The following RIBC2 variants were observed in gnomAD, a reference collection of about 807,000 sequenced individuals.
RIBC2 encodes RIB43A-like with coiled-coils protein 2.
RIBC2 carries 40 observed loss-of-function variants against 44.3 expected under a neutral mutation model. The observed-to-expected ratio is 0.90, with a 90% CI of 0.70 to 1.18. RIBC2 has a LOEUF of 1.18. Among genes scored for constraint, RIBC2 ranks in the 50% most tolerant of loss-of-function variants. The probability of loss-of-function intolerance (pLI) is 0.00; values close to 1 mark genes in which losing one functional copy is unlikely to be tolerated. For missense variants in RIBC2, 459 were observed against 485.5 expected (o/e 0.95, Z 0.51); for synonymous variants, 171 against 175.0 (o/e 0.98, Z 0.18).
Position 45,421,318 on chromosome 22 carries a change from T to TA in RIBC2, c.557-971dup, listed in dbSNP as rs1200986137. On this transcript the variant is annotated intron_variant, in intron 3 of 6. Transcript: ENST00000614167. ...CAAATAATAATAATACTATTATTAT[T>TA]ATTAATACTATTATTAATAATAATA... Among the ~76,000 whole-genome samples the TA allele has an allele frequency of 2.6e-4, 23 of 88,778 alleles. 1 individual carries two copies. The highest frequency in any genetic ancestry group is 5.7e-3 in the Middle Eastern group (1 of 176). 58.2% of individuals were successfully genotyped at this position (88,778 alleles called of 152,430 possible). A position where few individuals can be genotyped will look rare whatever the true frequency, so the allele number is the denominator to read the frequency against.
intron 5 of RIBC2, among the ~76,000 whole-genome samples, chr22:45,427,094 A>G (rs1602120449): frequency 6.6e-6 from 1 of 152,196 alleles, no homozygotes; most frequent in African/African-American, 2.4e-5. Context: ...TGCAAAGTCC[A>G]TTAGATATCT....
chr22:45,421,947 A>G (rs2087489413), intron 3 of RIBC2, among the ~76,000 whole-genome samples: 1 of 152,034 alleles, frequency 6.6e-6, no homozygotes, highest in Admixed American at 6.6e-5. Flanking sequence ...AAACCTCTGC[A>G]CCTGCTCCCA....
chr22:45,426,632 T>G (rs953084213), intron 5 of RIBC2, among the ~76,000 whole-genome samples: 1 of 152,190 alleles, frequency 6.6e-6, no homozygotes, highest in African/African-American at 2.4e-5. Context: ...GGGAGGACTT[T>G]GGCTTCTTCT....
chr22:45,430,131 C>A (rs11705686), intron 5 of RIBC2, among the ~76,000 whole-genome samples: 19,172 of 152,288 alleles, frequency 0.13, 1,398 homozygotes, highest in Middle Eastern at 0.24. Context: ...GTGACAAAGC[C>A]CGCCAGCCTG....
intron 3 of RIBC2, among the ~76,000 whole-genome samples, chr22:45,420,288 A>C (rs1482406979): frequency 1.3e-5 from 2 of 151,996 alleles, no homozygotes; most frequent in African/African-American, 4.8e-5. Flanking sequence ...CTTTCCCCAG[A>C]TATCTGTAGG....
chr22:45,422,577 G>A (rs994802158), intron 4 of RIBC2, 169 bp downstream of exon 4: 4 of 648,550 alleles, frequency 6.2e-6, no homozygotes, highest in Non-Finnish European at 1.1e-5. Context: ...AGAGATGGAT[G>A]AGACCCAGTC....
Position 45,414,430 on chromosome 22 carries a change from T to C in RIBC2, c.211+27T>C, listed in dbSNP as rs1224563511. The C allele has an allele frequency of 5.3e-6, 8 of 1,499,408 alleles. No individual in the cohort carries two copies. In the South Asian group the frequency reaches 8.5e-5, roughly 16 times the overall value. The allele number at this position is 1,499,408 out of a possible 1,614,324, so 92.9% of individuals were successfully genotyped here. A position where few individuals can be genotyped will look rare whatever the true frequency, so the allele number is the denominator to read the frequency against. On this transcript the variant is annotated intron_variant, in intron 2 of 6. Transcript: ENST00000614167. ...TGAGCATTTCCTGAATGCTTATCTA[T>C]TGGTTTAGGATTGTGTGGCTTTAGA... is the stretch of plus-strand genomic sequence containing the variant.
rs371392805 is a variant in RIBC2, at chr22:45,419,173, G to A, written c.556+1227G>A. Among the ~76,000 whole-genome samples the A allele has an allele frequency of 1.3e-4, 20 of 152,260 alleles. 1 individual carries two copies. In the South Asian group the frequency reaches 1.7e-3, roughly 13 times the overall value. On this transcript the variant is annotated intron_variant, in intron 3 of 6. Coordinates refer to ENST00000614167, the MANE Select transcript of RIBC2 (RefSeq NM_015653.5). ...GCCACCTATAGGCCATCATTTCCCAGGTTTATACCTCCAGCCTGGACTCTT... is the reference window on the plus strand; with the variant it reads ...GCCACCTATAGGCCATCATTTCCCAAGTTTATACCTCCAGCCTGGACTCTT...
Position 45,430,102 on chromosome 22 carries a change from A to G in RIBC2, c.904-798A>G, listed in dbSNP as rs542971843. Among the ~76,000 whole-genome samples, 6 of 152,316 alleles carry G rather than the reference A, an allele frequency of 3.9e-5. No individual in the cohort carries two copies. The South Asian group carries it at 8.3e-4, about 21-fold the overall frequency. Reference sequence around the variant, plus strand: ...GGGGGACACTGAGGTTCATGAGAGCAGGGTGACTTGCCTCGTGGGTGACAA... The same window carrying G: ...GGGGGACACTGAGGTTCATGAGAGCGGGGTGACTTGCCTCGTGGGTGACAA... On this transcript the variant is annotated intron_variant, in intron 5 of 6. Transcript: ENST00000614167.
In RIBC2 at chr22:45,413,694, T is replaced by A. The variant is rs1041524177; in HGVS notation, c.-193T>A. 1 of 1,166,698 alleles carries A rather than the reference T, an allele frequency of 8.6e-7. No individual in the cohort carries two copies. Among genetic ancestry groups the A allele is most frequent in the Non-Finnish European group, 1.2e-6 (1 of 818,854 alleles). The allele number at this position is 1,166,698 out of a possible 1,614,324, so 72.3% of individuals were successfully genotyped here. ...CGCGGAGCCGTTCCTTAGCAACGAG[T>A]TGTTGACATTTCCGAGAGAGCGGGA... On this transcript the variant is annotated 5_prime_UTR_variant, in exon 1 of 7. It adds an upstream start codon to the 5' untranslated region. Coordinates refer to ENST00000614167, the MANE Select transcript of RIBC2 (RefSeq NM_015653.5).
Position 45,414,171 on chromosome 22 carries a change from C to G in RIBC2, c.130-151C>G, listed in dbSNP as rs921186523. The G allele has an allele frequency of 1.3e-5, 19 of 1,477,996 alleles. No individual in the cohort carries two copies. In the Admixed American group the frequency reaches 3.3e-4, roughly 26 times the overall value. The allele number at this position is 1,477,996 out of a possible 1,614,324, so 91.6% of individuals were successfully genotyped here. ...CAATAATGCTCCCTCTCGAGCTCGCCTGGAGTCACCAACGGTTCTCCTCCC... is the reference window on the plus strand; with the variant it reads ...CAATAATGCTCCCTCTCGAGCTCGCGTGGAGTCACCAACGGTTCTCCTCCC... On this transcript the variant is annotated intron_variant, in intron 1 of 6. Coordinates refer to ENST00000614167, the MANE Select transcript of RIBC2 (RefSeq NM_015653.5).
At chr22:45,422,252 TG>T in intron 3 of RIBC2, 37 bp from the exon 4 acceptor site, 1 of 1,501,372 alleles carries the variant, frequency 6.7e-7, no homozygotes, top group Non-Finnish European at 9.3e-7. Context: ...GGTGCTCCTG[TG>T]GCCAGGTCGA....
At chr22:45,432,007 C>G (rs1046926104) in intron 6 of RIBC2, among the ~76,000 whole-genome samples, 1 of 152,098 alleles carries the variant, frequency 6.6e-6, no homozygotes, top group African/African-American at 2.4e-5. Context: ...AGAAATCAAA[C>G]AGGGTGAACA....
intron 4 of RIBC2, among the ~76,000 whole-genome samples, chr22:45,424,296 T>G (rs1962698479): frequency 6.6e-6 from 1 of 152,192 alleles, no homozygotes; most frequent in Admixed American, 6.5e-5. Context: ...AGGACACACG[T>G]GAGGGCCTCC....
rs1229647370 is a variant in RIBC2, at chr22:45,422,222, C to T, written c.557-68C>T. 27 of 1,134,134 alleles carry T rather than the reference C, an allele frequency of 2.4e-5. 1 individual carries two copies. In the Middle Eastern group the frequency reaches 2.1e-3, roughly 88 times the overall value. 70.3% of individuals were successfully genotyped at this position (1,134,134 alleles called of 1,614,324 possible). A position where few individuals can be genotyped will look rare whatever the true frequency, so the allele number is the denominator to read the frequency against. On this transcript the variant is annotated intron_variant, in intron 3 of 6. Coordinates refer to ENST00000614167, the MANE Select transcript of RIBC2 (RefSeq NM_015653.5). ...AAGGACGTGGTAGGAGGCAAAGGCA[C>T]GAACGGCCACACGTGGGAAGGTGCT...
At chr22:45,416,143 A>G (rs1413228054) in intron 2 of RIBC2, among the ~76,000 whole-genome samples, 2 of 152,200 alleles carry the variant, frequency 1.3e-5, no homozygotes, top group Non-Finnish European at 2.9e-5. Flanking sequence ...CCAGGCTTGT[A>G]TTTTTGAAAT....
At chr22:45,429,233 T>A (rs1005976864) in intron 5 of RIBC2, among the ~76,000 whole-genome samples, 6 of 151,936 alleles carry the variant, frequency 3.9e-5, no homozygotes, top group African/African-American at 1.2e-4. Flanking sequence ...CCCAGGGGAT[T>A]CTGATGCCTA....
At chr22:45,416,004 C>T (rs559974371) in intron 2 of RIBC2, among the ~76,000 whole-genome samples, 12 of 152,222 alleles carry the variant, frequency 7.9e-5, no homozygotes, top group South Asian at 2.1e-4. Context: ...CCAGCCCCCA[C>T]GCACTATTTA....
chr22:45,430,116 C>T (rs559861431), intron 5 of RIBC2, among the ~76,000 whole-genome samples: 1 of 152,296 alleles, frequency 6.6e-6, no homozygotes, highest in Non-Finnish European at 1.5e-5. Flanking sequence ...TGACTTGCCT[C>T]GTGGGTGACA....
Sources: allele counts gnomAD v4.1 joint callset (sites outside exome capture counted in the v4.1 genomes callset), GRCh38; gene constraint gnomAD v4.1.1; transcripts MANE v1.5; gene names NCBI Gene and HGNC (gene_info 2026-07-23, HGNC 2026-07-21).